The following SIK3 variants were observed in gnomAD, a reference collection of about 807,000 sequenced individuals.
SIK3 encodes SIK family kinase 3.
In SIK3, 28 loss-of-function variants were observed where a neutral mutation model predicts 144.2. The observed-to-expected ratio is 0.19, with a 90% CI of 0.14 to 0.27. SIK3 has a LOEUF of 0.27. Among genes scored for constraint, SIK3 ranks in the 10% least tolerant of loss-of-function variants. The pLI is 1.00. For missense variants in SIK3, 1,319 were observed against 1,776.0 expected, an observed-to-expected ratio of 0.74 and a Z score of 4.62; for synonymous variants, 686 against 676.3, an observed-to-expected ratio of 1.01 and a Z score of -0.22.
intron 1 of SIK3, among the ~76,000 whole-genome samples, chr11:116,985,919 G>A (rs186562309): frequency 1.2e-4 from 19 of 152,128 alleles, no homozygotes; most frequent in East Asian, 3.9e-4. Context: ...TTTCAGATGC[G>A]GGCTATTGGA....
chr11:116,989,543 G>C (rs771276649), intron 1 of SIK3, among the ~76,000 whole-genome samples: 1 of 150,488 alleles, frequency 6.6e-6, no homozygotes, highest in Non-Finnish European at 1.5e-5. Context: ...TACAGTATCA[G>C]TAAAATCCTA....
chr11:117,073,285 C>G (rs1954360057), intron 1 of SIK3, among the ~76,000 whole-genome samples: 1 of 152,304 alleles, frequency 6.6e-6, no homozygotes, highest in Non-Finnish European at 1.5e-5. Context: ...TCCTTCTACT[C>G]TTTCAGCCCA....
At chr11:116,942,722 C>T (rs75410648) in intron 3 of SIK3, among the ~76,000 whole-genome samples, 11,036 of 151,992 alleles carry the variant, frequency 0.073, 495 homozygotes, top group African/African-American at 0.11. Context: ...GGGAGCACAG[C>T]GAAGGGTTTA....
At chr11:116,876,531 AACTC>A (rs1944265157) in intron 7 of SIK3, among the ~76,000 whole-genome samples, 168 bp from the exon 8 acceptor site, 1 of 152,214 alleles carries the variant, frequency 6.6e-6, no homozygotes, top group Admixed American at 6.5e-5. Flanking sequence ...AACAGACAAC[AACTC>A]ACTGTTTCCT....
intron 4 of SIK3, among the ~76,000 whole-genome samples, chr11:116,902,176 G>GCTAGAAGAAA (rs1945769697): frequency 1.3e-5 from 2 of 152,142 alleles, no homozygotes; most frequent in African/African-American, 4.8e-5. Flanking sequence ...AAGAATCATG[G>GCTAGAAGAAA]AGTTTTTTGT....
At chr11:117,002,745 C>A (rs1950900081) in intron 1 of SIK3, among the ~76,000 whole-genome samples, 1 of 152,134 alleles carries the variant, frequency 6.6e-6, no homozygotes, top group African/African-American at 2.4e-5. Flanking sequence ...ACTAGCAGTT[C>A]TTTTATAGAG....
At chr11:117,093,578 A>C (rs2134093245) in intron 1 of SIK3, among the ~76,000 whole-genome samples, 1 of 152,294 alleles carries the variant, frequency 6.6e-6, no homozygotes, top group East Asian at 1.9e-4. Flanking sequence ...CATAACAAAA[A>C]TTAGTTACAC....
chr11:116,915,122 A>ATGTGTGTGTGTGTGTGTG (rs1423283335), intron 4 of SIK3, among the ~76,000 whole-genome samples: 20 of 100,062 alleles, frequency 2.0e-4, no homozygotes, highest in Non-Finnish European at 2.3e-4. Context: ...AGGAAGCCAT[A>ATGTGTGTGTGTGTGTGTG]TATGTGTGTG....
rs146692993 is a variant in SIK3, at chr11:117,036,827, A to G, written c.273+61316T>C. ...ATAAAAATACGCAGATTCTTTTTCA[A>G]TGTGAAACCTCTGATTCATTAAGAA... On this transcript the variant is annotated intron_variant, in intron 1 of 24. Coordinates refer to ENST00000445177, the MANE Select transcript of SIK3 (RefSeq NM_001366686.3). 4.9e-3 allele frequency among the ~76,000 whole-genome samples: 749 copies of G among 152,322 alleles called. 7 individuals carry two copies. Among genetic ancestry groups the G allele is most frequent in the African/African-American group, 0.017 (710 of 41,582 alleles).
At chr11:116,875,533 T>C (rs1001788448) in intron 9 of SIK3, 82 bp from the exon 10 acceptor site, 6 of 1,441,142 alleles carry the variant, frequency 4.2e-6, no homozygotes, top group Admixed American at 2.0e-5. Flanking sequence ...TCTTGATTGC[T>C]AAAGTCTATG....
chr11:116,979,240 T>C (rs1189467457), intron 1 of SIK3, among the ~76,000 whole-genome samples: 1 of 152,200 alleles, frequency 6.6e-6, no homozygotes, highest in African/African-American at 2.4e-5. Flanking sequence ...TTAATTTGCA[T>C]TTTCTTGATT....
rs12291782 is a variant in SIK3, at chr11:116,988,146, A to G, written c.274-31082T>C. ...ATGCAGTAACGCCTGTAATCTCAGC[A>G]CTTTGGGAGGCCAAGGCAGGTGGAT... On this transcript the variant is annotated intron_variant, in intron 1 of 24. Coordinates refer to ENST00000445177, the MANE Select transcript of SIK3 (RefSeq NM_001366686.3). Among the ~76,000 whole-genome samples the G allele has an allele frequency of 8.6e-3, 1,309 of 152,302 alleles. 15 individuals are homozygous for G. Among genetic ancestry groups the G allele is most frequent in the African/African-American group, 0.027 (1,121 of 41,558 alleles).
intron 18 of SIK3, 52 bp from the exon 19 acceptor site, chr11:116,861,435 A>G: frequency 7.4e-7 from 1 of 1,343,768 alleles, no homozygotes; most frequent in Non-Finnish European, 1.0e-6. Context: ...GTGACAGTAC[A>G]ATCTTAAGTT....
chr11:117,019,579 CCTCAT>C (rs1951680389), intron 1 of SIK3, among the ~76,000 whole-genome samples: 4 of 151,642 alleles, frequency 2.6e-5, no homozygotes, highest in African/African-American at 7.3e-5. Flanking sequence ...ACTGAAATCT[CCTCAT>C]CTCCTGCCAA....
chr11:116,920,122 T>C (rs1376942918), intron 4 of SIK3, among the ~76,000 whole-genome samples: 1 of 151,630 alleles, frequency 6.6e-6, no homozygotes, highest in Non-Finnish European at 1.5e-5. Context: ...GGGAGACTCC[T>C]CTCCTTTAGC....
chr11:117,019,788 A>G (rs1951691951), intron 1 of SIK3, among the ~76,000 whole-genome samples: 1 of 151,832 alleles, frequency 6.6e-6, no homozygotes. Flanking sequence ...TAATTTTTGT[A>G]TTTTTTAGTA....
rs1449092743 is a variant in SIK3 at position 116,930,911 on chromosome 11, T to C, written c.455-3531A>G. On this transcript the variant is annotated intron_variant, in intron 3 of 24. Coordinates refer to ENST00000445177, the MANE Select transcript of SIK3 (RefSeq NM_001366686.3). ...ATAGGTCTGGGACAAATTTAAAGTTTTCTTTGACCACAATTTCACTCCAAA... is the reference window on the plus strand; with the variant it reads ...ATAGGTCTGGGACAAATTTAAAGTTCTCTTTGACCACAATTTCACTCCAAA... Among the ~76,000 whole-genome samples, 4 of 152,264 alleles carry C rather than the reference T, an allele frequency of 2.6e-5. No individual in the cohort carries two copies. In the East Asian group the frequency reaches 5.8e-4, roughly 22 times the overall value.
intron 7 of SIK3, 81 bp from the exon 8 acceptor site, chr11:116,876,444 G>C: frequency 8.9e-7 from 1 of 1,121,338 alleles, no homozygotes; most frequent in Non-Finnish European, 1.3e-6. Context: ...TGACCAACCT[G>C]TTCCATGCCC....
chr11:116,858,297 TTGCTGC>T lies in SIK3; in HGVS notation c.3162_3167del (p.Gln1060_Gln1061del). ...CCTGGTATTCTTGCTGTTGCTGCTG[TTGCTGC>T]TGCTGCTGCCGTTGTTGCTGCTGCC... On this transcript the variant is annotated inframe_deletion, in exon 21 of 25. Transcript: ENST00000445177. This position sits in a 1 kb window ranked among gnomAD's most constrained non-coding sequence, Gnocchi z 5.4. 6.2e-7 allele frequency: 1 copy of T among 1,612,160 alleles called. No individual in the cohort carries two copies. Among genetic ancestry groups the T allele is most frequent in the Non-Finnish European group, 8.5e-7 (1 of 1,179,106 alleles).
Sources: gnomAD v4.1 joint callset for allele counts (sites outside exome capture counted in the v4.1 genomes callset) on GRCh38, gnomAD v4.1.1 for gene constraint, Gnocchi (gnomAD v3.1) non-coding constraint, MANE v1.5 for transcripts, NCBI Gene and HGNC (gene_info 2026-07-23, HGNC 2026-07-21) for gene names.